The following TUBA1B variants were observed in gnomAD, a reference collection of about 807,000 sequenced individuals.
The protein encoded by TUBA1B is tubulin alpha-1B chain.
Under a neutral mutation model 34.4 loss-of-function variants are expected in TUBA1B, and 1 was observed. The ratio of observed to expected loss-of-function variants is 0.03; its 90% CI spans 0.01 to 0.14. The LOEUF is 0.14. TUBA1B is among the 10% of genes least tolerant of loss of function. The pLI is 1.00. For synonymous variants in TUBA1B, 197 were observed against 212.5 expected (o/e 0.93, Z 0.64); for missense variants, 54 against 583.6 (o/e 0.09, Z 9.35).
chr12:49,129,160 A>T (rs931266405), intron 3 of TUBA1B, 82 bp downstream of exon 3: 1 of 1,609,436 alleles, frequency 6.2e-7, no homozygotes, highest in Admixed American at 1.7e-5. Context: ...GGTGCCAAAG[A>T]ATGAATGATG....
rs1196334302 is a variant in TUBA1B at position 49,129,980 on chromosome 12, CTG to C, written c.4-260_4-259del. The C allele has an allele frequency of 5.0e-6, 5 of 993,682 alleles. No individual in the cohort carries two copies. In the East Asian group the frequency reaches 1.4e-4, roughly 27 times the overall value. The allele number at this position is 993,682 out of a possible 1,614,324, so 61.6% of individuals were successfully genotyped here. The stretch of plus-strand genomic sequence containing the variant: ...TTTTTTTTGTGGAGATGAGGTCTGG[CTG>C]TGTTACCTAGGCTACTCACGTAATC... On this transcript the variant is annotated intron_variant, in intron 1 of 3. Transcript: ENST00000336023.
rs11546598 is a variant in TUBA1B, at chr12:49,129,378, G to C, written c.239C>G (p.Thr80Ser). The C allele has an allele frequency of 1.9e-6, 3 of 1,614,236 alleles. No individual in the cohort carries two copies. The highest frequency in any genetic ancestry group is 2.2e-5 in the South Asian group (2 of 91,082). Reference protein sequence around the residue: ...LEPTVIDEVRTGTYRQLFHPE... With the variant: ...LEPTVIDEVRSGTYRQLFHPE... ...GTGGAAGAGCTGGCGGTAGGTGCCA[G>C]TGCGAACTTCATCTGGAGGAGGGAG... The change falls in exon 3 of 4, where the codon ACT becomes AGT. Residue 80 changes from threonine to serine, a missense_variant. Thr to Ser is a moderately conservative substitution (Grantham distance 58). Transcript: ENST00000336023.
In TUBA1B at chr12:49,128,955, A is replaced by G; in HGVS notation, c.376-17T>C. ...CTGGTCAGCCTGTAGGGGAATAAAA[A>G]AATGTAATATTTTAATGCCAGGACA... On this transcript the variant is annotated splice_polypyrimidine_tract_variant and intron_variant, in intron 3 of 3. Transcript: ENST00000336023. This position sits in a 1 kb window ranked among gnomAD's most constrained non-coding sequence, Gnocchi z 8.1. 6.3e-7 allele frequency: 1 copy of G among 1,575,798 alleles called. No homozygotes were observed. The highest frequency in any genetic ancestry group is 1.2e-5 in the South Asian group (1 of 85,046).
rs771112459 is a variant in TUBA1B, at chr12:49,128,063, C to T, written c.1251G>A (p.Glu417=). Residue 417 remains glutamate (E), a synonymous_variant, in exon 4 of 4, where the codon GAG becomes GAA. Transcript: ENST00000336023. The surrounding 1 kb of genome is among the most constrained non-coding windows in gnomAD (Gnocchi z 8.1). ...CCATATCTTCACGGGCCTCTGAAAACTCGCCTTCCTCCATCCCCTCACCCA... is the reference window on the plus strand; with the variant it reads ...CCATATCTTCACGGGCCTCTGAAAATTCGCCTTCCTCCATCCCCTCACCCA... ...WYVGEGMEEG[E]FSEAREDMAA... The T allele has an allele frequency of 3.7e-6, 6 of 1,614,082 alleles. No individual in the cohort carries two copies. The African/African-American group carries it at 8.0e-5, about 22-fold the overall frequency.
Position 49,129,236 on chromosome 12 carries a change from G to C in TUBA1B, c.375+6C>G, listed in dbSNP as rs747463223. 6.2e-7 allele frequency: 1 copy of C among 1,613,722 alleles called. No individual in the cohort carries two copies. The highest frequency in any genetic ancestry group is 1.7e-5 in the Admixed American group (1 of 60,020). On this transcript the variant is annotated splice_donor_region_variant and intron_variant, in intron 3 of 3. Coordinates refer to ENST00000336023, the MANE Select transcript of TUBA1B (RefSeq NM_006082.3). ...CATTAAATGCATATTTATATGTGGT[G>C]CTTACCAGCTTGCGAATTCGGTCCA...
chr12:49,131,082 A>G, intron 1 of TUBA1B: 1 of 536,162 alleles, frequency 1.9e-6, no homozygotes, highest in Non-Finnish European at 3.4e-6. Context: ...AGAGTCCGAG[A>G]AGAAATCCTG....
chr12:49,129,999 C>CA, intron 1 of TUBA1B: 1 of 1,044,552 alleles, frequency 9.6e-7, no homozygotes, highest in Non-Finnish European at 1.3e-6. Flanking sequence ...CTAGGCTACT[C>CA]ACGTAATCTG....
At chr12:49,131,275 C>G in intron 1 of TUBA1B, 23 bp downstream of exon 1, 5 of 1,607,030 alleles carry the variant, frequency 3.1e-6, no homozygotes, top group Non-Finnish European at 4.2e-6. Context: ...TGAAAGCAGC[C>G]GGGAGCCGCA....
chr12:49,129,986 T>C (rs1301575621), intron 1 of TUBA1B: 1 of 999,358 alleles, frequency 1.0e-6, no homozygotes, highest in African/African-American at 1.6e-5. Flanking sequence ...CTGGCTGTGT[T>C]ACCTAGGCTA....
intron 3 of TUBA1B, 86 bp from the exon 4 acceptor site, chr12:49,129,024 A>C: frequency 6.5e-7 from 1 of 1,527,996 alleles, no homozygotes; most frequent in Non-Finnish European, 8.8e-7. Flanking sequence ...ATTACGAACC[A>C]TATCTCACTG....
intron 1 of TUBA1B, chr12:49,130,395 C>T: frequency 4.7e-6 from 6 of 1,280,272 alleles, no homozygotes; most frequent in Non-Finnish European, 6.1e-6. Flanking sequence ...TTGCGCCCCC[C>T]GGCGGTGCTG....
intron 1 of TUBA1B, chr12:49,130,166 A>C: frequency 1.6e-6 from 2 of 1,230,242 alleles, no homozygotes; most frequent in Non-Finnish European, 2.1e-6. Flanking sequence ...AAGACAGCTC[A>C]GTCACAGCTT....
In TUBA1B at chr12:49,128,414, G is replaced by A. The variant is rs760252831; in HGVS notation, c.900C>T (p.Asn300=). The part of the protein sequence containing the change: ...EITNACFEPA[N]QMVKCDPRHG... ...GGCGAGGGTCACATTTCACCATCTGGTTGGCTGGCTCAAAGCAAGCATTGG... is the reference window on the plus strand; with the variant it reads ...GGCGAGGGTCACATTTCACCATCTGATTGGCTGGCTCAAAGCAAGCATTGG... Residue 300 remains asparagine, a synonymous_variant, in exon 4 of 4, where the codon AAC becomes AAT. Coordinates refer to ENST00000336023, the MANE Select transcript of TUBA1B (RefSeq NM_006082.3). The surrounding 1 kb of genome is among the most constrained non-coding windows in gnomAD (Gnocchi z 8.1). The A allele has an allele frequency of 3.7e-6, 6 of 1,613,528 alleles. No individual in the cohort carries two copies. The South Asian group carries it at 6.6e-5, about 18-fold the overall frequency.
intron 1 of TUBA1B, chr12:49,131,069 T>G: frequency 1.9e-6 from 1 of 517,638 alleles, no homozygotes. Flanking sequence ...CCCCATCCCT[T>G]CCAGAGTCCG....
chr12:49,131,072 A>G (rs1415149522), intron 1 of TUBA1B: 2 of 518,092 alleles, frequency 3.9e-6, no homozygotes, highest in East Asian at 3.2e-5. Context: ...CATCCCTTCC[A>G]GAGTCCGAGA....
chr12:49,131,275 C>T (rs1941805031), intron 1 of TUBA1B, 23 bp downstream of exon 1: 1 of 1,606,910 alleles, frequency 6.2e-7, no homozygotes, highest in Non-Finnish European at 8.5e-7. Flanking sequence ...TGAAAGCAGC[C>T]GGGAGCCGCA....
chr12:49,129,758 A>G lies in TUBA1B; in HGVS notation c.4-36T>C, dbSNP rs201906611. ...GAAAAAAGATATCACAATTTAAACCAATCTATTGATGACTGTCAAGTGGAA... is the reference window on the plus strand; with the variant it reads ...GAAAAAAGATATCACAATTTAAACCGATCTATTGATGACTGTCAAGTGGAA... On this transcript the variant is annotated intron_variant, in intron 1 of 3. Transcript: ENST00000336023. 6.5e-4 allele frequency: 1,047 copies of G among 1,613,438 alleles called. 2 individuals carry two copies. Among genetic ancestry groups the G allele is most frequent in the Non-Finnish European group, 8.1e-4 (954 of 1,179,948 alleles).
intron 1 of TUBA1B, chr12:49,130,846 G>T: frequency 6.0e-6 from 1 of 167,290 alleles, no homozygotes. Context: ...GGAAGGTAAC[G>T]GTCGCGCGTG....
Position 49,131,380 on chromosome 12 carries a change from A to G in TUBA1B, c.-80T>C. ...ACCGTCCCCGACAAGCTAAGAGTCG[A>G]GGTAAGTAACGCACTAGGGCGGGGC... On this transcript the variant is annotated 5_prime_UTR_variant, in exon 1 of 4. Coordinates refer to ENST00000336023, the MANE Select transcript of TUBA1B (RefSeq NM_006082.3). 2 of 1,558,934 alleles carry G rather than the reference A, an allele frequency of 1.3e-6. No individual in the cohort carries two copies. Among genetic ancestry groups the G allele is most frequent in the Non-Finnish European group, 1.8e-6 (2 of 1,140,466 alleles).
Sources: gnomAD v4.1 joint callset for allele counts on GRCh38, gnomAD v4.1.1 for gene constraint, Gnocchi (gnomAD v3.1) non-coding constraint, MANE v1.5 for transcripts, NCBI Gene and HGNC (gene_info 2026-07-23, HGNC 2026-07-21) for gene names.